The following KIF1A variants were observed in gnomAD, a reference collection of about 807,000 sequenced individuals.
KIF1A encodes the protein kinesin family member 1A.
Under a neutral mutation model 227.3 loss-of-function variants are expected in KIF1A, and 46 were observed. The ratio of observed to expected loss-of-function variants is 0.20; its 90% CI spans 0.16 to 0.26. The LOEUF (loss-of-function observed/expected upper bound fraction) is 0.26, where lower values mean the gene tolerates loss of function less well. Ranked by LOEUF, KIF1A falls within the 10% of genes least tolerant of loss-of-function variation. The pLI, the probability that KIF1A is intolerant of heterozygous loss-of-function variation, is 1.00. For synonymous variants in KIF1A, 1,022 were observed against 1,012.8 expected, an observed-to-expected ratio of 1.01 and a Z score of -0.17; for missense variants, 1,683 against 2,485.9, an observed-to-expected ratio of 0.68 and a Z score of 6.87.
intron 4 of KIF1A, 75 bp downstream of exon 4, chr2:240,787,976 T>C: frequency 7.1e-7 from 1 of 1,412,112 alleles, no homozygotes; most frequent in South Asian, 1.3e-5. Flanking sequence ...CAGGGGTGCC[T>C]GGCCCGGAGC....
At chr2:240,769,310 G>T (rs2051619535) in intron 16 of KIF1A, 102 bp from the exon 17 acceptor site, 1 of 1,042,674 alleles carries the variant, frequency 9.6e-7, no homozygotes, top group African/African-American at 1.6e-5. Flanking sequence ...GGCCACCGTG[G>T]CCTGGGTGGT....
At chr2:240,759,144 AGTGTGTGTGTGTGT>A (rs35848053) in intron 25 of KIF1A, among the ~76,000 whole-genome samples, 1 of 148,694 alleles carries the variant, frequency 6.7e-6, no homozygotes, top group South Asian at 2.1e-4. Context: ...AATGCTTATG[AGTGTGTGTGTGTGT>A]GTGTGTGTGT....
chr2:240,786,220 G>T, intron 6 of KIF1A, 115 bp downstream of exon 6: 1 of 1,038,404 alleles, frequency 9.6e-7, no homozygotes, highest in East Asian at 2.5e-5. Context: ...CCACACCTCC[G>T]CGGGGGCACA....
chr2:240,734,592 G>A (rs768655726), intron 38 of KIF1A: 41 of 514,244 alleles, frequency 8.0e-5, no homozygotes, highest in Middle Eastern at 3.2e-4. Flanking sequence ...AGGTGAGCAC[G>A]TGTGTGAGGA....
chr2:240,818,173 A>T (rs2058463403), intron 1 of KIF1A, among the ~76,000 whole-genome samples: 2 of 151,970 alleles, frequency 1.3e-5, no homozygotes, highest in African/African-American at 4.8e-5. Flanking sequence ...TTGACAACTG[A>T]TTCCAGCCTC....
chr2:240,731,478 G>C (rs1438987641), intron 38 of KIF1A, among the ~76,000 whole-genome samples: 1 of 152,210 alleles, frequency 6.6e-6, no homozygotes, highest in South Asian at 2.1e-4. Context: ...CACCCCTGAA[G>C]TTGTGCCAGC....
chr2:240,719,420 T>C (rs1351621780), intron 46 of KIF1A, among the ~76,000 whole-genome samples: 1 of 151,966 alleles, frequency 6.6e-6, no homozygotes, highest in Admixed American at 6.5e-5. Flanking sequence ...CACCATAAAA[T>C]GGAAAAACTT....
rs1005810428 is a variant in KIF1A at position 240,783,674 on chromosome 2, C to T, written c.798+65G>A. The T allele has an allele frequency of 3.3e-5, 44 of 1,335,066 alleles. No individual in the cohort carries two copies. The East Asian group carries it at 1.1e-3, about 33-fold the overall frequency. 82.7% of individuals were successfully genotyped at this position (1,335,066 alleles called of 1,614,324 possible). Reference sequence around the variant, plus strand: ...CCCCCGGGACCCCAACAGAGCCCTCCTGCCACCCACTCTGGAGCAGGCCAA... The same window carrying T: ...CCCCCGGGACCCCAACAGAGCCCTCTTGCCACCCACTCTGGAGCAGGCCAA... On this transcript the variant is annotated intron_variant, in intron 8 of 48. Coordinates refer to ENST00000498729, the MANE Select transcript of KIF1A (RefSeq NM_001244008.2).
intron 2 of KIF1A, among the ~76,000 whole-genome samples, chr2:240,794,875 T>C (rs1229084025): frequency 1.3e-5 from 2 of 152,070 alleles, no homozygotes; most frequent in East Asian, 3.9e-4. Context: ...ACTGATCTCA[T>C]GTGTTGTTTG....
intron 2 of KIF1A, among the ~76,000 whole-genome samples, chr2:240,796,928 A>G (rs1575653075): frequency 6.6e-6 from 1 of 150,934 alleles, no homozygotes; most frequent in East Asian, 1.9e-4. Context: ...GGTAGATAAT[A>G]GATGAGGGCA....
chr2:240,759,298 G>A (rs979405781), intron 25 of KIF1A, among the ~76,000 whole-genome samples: 3 of 152,008 alleles, frequency 2.0e-5, no homozygotes, highest in African/African-American at 7.3e-5. Flanking sequence ...AATTCCTAGA[G>A]ACAGTCAGCA....
At chr2:240,724,435 G>A in intron 40 of KIF1A, 2 of 267,850 alleles carry the variant, frequency 7.5e-6, no homozygotes, top group Non-Finnish European at 7.2e-6. Context: ...CAGATTCTGA[G>A]AGCACCTCGG....
rs373868831 is a variant in KIF1A at position 240,761,338 on chromosome 2, G to A, written c.2156C>T (p.Ala719Val). The A allele has an allele frequency of 2.5e-6, 4 of 1,613,238 alleles. No individual in the cohort carries two copies. The highest frequency in any genetic ancestry group is 1.3e-5 in the African/African-American group (1 of 74,936). ...CTGGTACCACTTCCACTTCCGGAAG[G>A]CCCAGAGCGCCAGCTCACACTCCCG... The part of the protein sequence containing the change: ...TERECELALW[A>V]FRKWKWYQFT... The change falls in exon 24 of 49, where the codon GCC becomes GTC. Residue 719 changes from alanine to valine, a missense_variant. Ala to Val is a moderately conservative substitution (Grantham distance 64). Around this residue, in one of 12 missense-constraint regions of KIF1A, gnomAD observed 217 missense variants for 427.0 expected, o/e 0.51. Coordinates refer to ENST00000498729, the MANE Select transcript of KIF1A (RefSeq NM_001244008.2).
chr2:240,761,160 C>A, intron 24 of KIF1A, 69 bp downstream of exon 24: 1 of 1,512,040 alleles, frequency 6.6e-7, no homozygotes, highest in Non-Finnish European at 9.0e-7. Flanking sequence ...TCCCAAGTAG[C>A]TGTCCCCGTC....
chr2:240,798,250 C>T (rs570848128), intron 1 of KIF1A, among the ~76,000 whole-genome samples: 1 of 152,372 alleles, frequency 6.6e-6, no homozygotes, highest in South Asian at 2.1e-4. Flanking sequence ...TAGAATGCCC[C>T]ATCACACCCT....
At chr2:240,730,786 T>C (rs778170669) in intron 38 of KIF1A, among the ~76,000 whole-genome samples, 3 of 152,134 alleles carry the variant, frequency 2.0e-5, no homozygotes, top group Admixed American at 6.5e-5. Flanking sequence ...AGCCCAAGAA[T>C]GGAGCAGAGA....
At chr2:240,786,722 G>C (rs10186490) in intron 5 of KIF1A, among the ~76,000 whole-genome samples, 1 of 90,930 alleles carries the variant, frequency 1.1e-5, no homozygotes, top group African/African-American at 4.4e-5. Flanking sequence ...CCCTGAGTGA[G>C]GGGGTGGGGG....
Position 240,720,166 on chromosome 2 carries a change from C to T in KIF1A, c.4869-240G>A, listed in dbSNP as rs62187813. The T allele has an allele frequency of 9.2e-3, 3,805 of 412,844 alleles. 28 individuals carry two copies. Among genetic ancestry groups the T allele is most frequent in the Non-Finnish European group, 0.013 (2,945 of 233,742 alleles). 25.6% of individuals were successfully genotyped at this position (412,844 alleles called of 1,614,324 possible). A position where few individuals can be genotyped will look rare whatever the true frequency, so the allele number is the denominator to read the frequency against. On this transcript the variant is annotated intron_variant, in intron 45 of 48. Coordinates refer to ENST00000498729, the MANE Select transcript of KIF1A (RefSeq NM_001244008.2). ...AGGGTCCCCCAGGAACCTCGGGGCCCAGCCAGGGAGCCTGTGCCCCACTCC... is the reference window on the plus strand; with the variant it reads ...AGGGTCCCCCAGGAACCTCGGGGCCTAGCCAGGGAGCCTGTGCCCCACTCC...
In KIF1A at chr2:240,736,507, G is replaced by T. The variant is rs1427187115; in HGVS notation, c.4007+556C>A. On this transcript the variant is annotated intron_variant, in intron 38 of 48. Transcript: ENST00000498729. The surrounding 1 kb of genome is among the most constrained non-coding windows in gnomAD (Gnocchi z 4.7). ...AACCCCAGCAGACCCCGATAGGGCTGCCACAGACATCCCAGAGCGCCAAAA... is the reference window on the plus strand; with the variant it reads ...AACCCCAGCAGACCCCGATAGGGCTTCCACAGACATCCCAGAGCGCCAAAA... 6.6e-6 allele frequency among the ~76,000 whole-genome samples: 1 copy of T among 152,312 alleles called. No homozygotes were observed. Among genetic ancestry groups the T allele is most frequent in the South Asian group, 2.1e-4 (1 of 4,822 alleles).
Sources: gnomAD v4.1 joint callset for allele counts (sites outside exome capture counted in the v4.1 genomes callset) on GRCh38, gnomAD v4.1.1 for gene constraint, gnomAD v4.1.1 regional missense constraint, Gnocchi (gnomAD v3.1) non-coding constraint, MANE v1.5 for transcripts, NCBI Gene and HGNC (gene_info 2026-07-23, HGNC 2026-07-21) for gene names.